Variants in KCNH8 observed in about 807,000 individuals in gnomAD.
The protein encoded by KCNH8 is potassium voltage-gated channel subfamily H member 8.
A neutral mutation model predicts 103.6 loss-of-function variants in KCNH8; 70 were observed. That is an observed-to-expected ratio of 0.68 (90% confidence interval 0.56 to 0.82). The LOEUF is 0.82. KCNH8 is among the 40% of genes least tolerant of loss of function. The probability of loss-of-function intolerance (pLI) is 0.00; values close to 1 mark genes in which losing one functional copy is unlikely to be tolerated. For synonymous variants in KCNH8, 498 were observed against 489.4 expected, an observed-to-expected ratio of 1.02 and a Z score of -0.23; for missense variants, 1,217 against 1,329.9, an observed-to-expected ratio of 0.92 and a Z score of 1.32.
chr3:19,495,174 C>G (rs531900063), intron 11 of KCNH8, among the ~76,000 whole-genome samples: 1 of 152,174 alleles, frequency 6.6e-6, no homozygotes, highest in South Asian at 2.1e-4. Context: ...CTGATAATTT[C>G]TTTTGCTATA....
chr3:19,428,840 T>G (rs1458638177), intron 7 of KCNH8, among the ~76,000 whole-genome samples: 1 of 152,216 alleles, frequency 6.6e-6, no homozygotes, highest in South Asian at 2.1e-4. Flanking sequence ...CAAGGTTTAC[T>G]CCATCACCGG....
At chr3:19,212,298 G>A (rs1203624532) in intron 1 of KCNH8, among the ~76,000 whole-genome samples, 1 of 152,118 alleles carries the variant, frequency 6.6e-6, no homozygotes, top group East Asian at 1.9e-4. Flanking sequence ...TAATAGAGCT[G>A]GGTTTGAAAC....
At chr3:19,444,362 G>T (rs1575073778) in intron 8 of KCNH8, among the ~76,000 whole-genome samples, 1 of 151,872 alleles carries the variant, frequency 6.6e-6, no homozygotes, top group South Asian at 2.1e-4. Flanking sequence ...ATTCCAGGTG[G>T]ATTTTGACCT....
intron 11 of KCNH8, among the ~76,000 whole-genome samples, chr3:19,492,722 G>A (rs60546560): frequency 0.053 from 8,000 of 152,138 alleles, 472 homozygotes; most frequent in East Asian, 0.26. Flanking sequence ...TTTGAAGAAT[G>A]ATATTGGTAG....
intron 3 of KCNH8, among the ~76,000 whole-genome samples, chr3:19,289,452 A>G (rs555799254): frequency 1.9e-3 from 296 of 152,326 alleles, no homozygotes; most frequent in Non-Finnish European, 3.7e-3. Context: ...ATGGCTAGCC[A>G]GTTTTCCCAG....
At chr3:19,443,573 A>G (rs2067313991) in intron 8 of KCNH8, among the ~76,000 whole-genome samples, 1 of 151,636 alleles carries the variant, frequency 6.6e-6, no homozygotes, top group African/African-American at 2.4e-5. Flanking sequence ...ATTTAAAACT[A>G]TAAATCAGAG....
chr3:19,403,361 AATATATATATATATATATATATATAT>A (rs57523893), intron 7 of KCNH8, among the ~76,000 whole-genome samples: 5 of 124,650 alleles, frequency 4.0e-5, no homozygotes, highest in African/African-American at 1.1e-4. Context: ...ATATGTAAAG[AATATATATATATATATATATATATAT>A]ATATATATAT....
chr3:19,421,279 A>T (rs2066947252), intron 7 of KCNH8, among the ~76,000 whole-genome samples: 1 of 152,118 alleles, frequency 6.6e-6, no homozygotes, highest in South Asian at 2.1e-4. Context: ...CCAAATACTC[A>T]GTATGTTTTA....
intron 3 of KCNH8, among the ~76,000 whole-genome samples, chr3:19,329,061 T>C (rs1439937289): frequency 6.6e-6 from 1 of 152,176 alleles, no homozygotes; most frequent in Non-Finnish European, 1.5e-5. Context: ...TCACTACAAA[T>C]CCAAAAGCAG....
rs2069207154 is a variant in KCNH8 at position 19,533,587 on chromosome 3, C to A, written c.2812C>A (p.Gln938Lys). The change falls in exon 16 of 16, where the codon CAA becomes AAA. Residue 938 changes from glutamine to lysine, a missense_variant. Gln to Lys is a moderately conservative substitution (Grantham distance 53, BLOSUM62 1). Coordinates refer to ENST00000328405, the MANE Select transcript of KCNH8 (RefSeq NM_144633.3). ...WSAHQPCLHLQTGGAAYTQAQ... is the reference protein window; with the variant it reads ...WSAHQPCLHLKTGGAAYTQAQ... ...TGCACACCAGCCTTGCCTACACTTG[C>A]AAACAGGCGGGGCTGCTTATACCCA... 2 of 1,614,184 alleles carry A rather than the reference C, an allele frequency of 1.2e-6. No individual in the cohort carries two copies. The highest frequency in any genetic ancestry group is 1.6e-4 in the Middle Eastern group (1 of 6,062).
chr3:19,323,414 A>C (rs565122918), intron 3 of KCNH8, among the ~76,000 whole-genome samples: 13 of 152,190 alleles, frequency 8.5e-5, no homozygotes, highest in Admixed American at 6.5e-4. Flanking sequence ...GCACCACTGC[A>C]CTCCAGCCTG....
At chr3:19,228,883 T>C (rs1478651291) in intron 1 of KCNH8, among the ~76,000 whole-genome samples, 1 of 152,218 alleles carries the variant, frequency 6.6e-6, no homozygotes, top group African/African-American at 2.4e-5. Context: ...CTGTGCACTT[T>C]TATAGGAGGT....
intron 5 of KCNH8, among the ~76,000 whole-genome samples, chr3:19,386,187 C>T (rs928863286): frequency 1.3e-5 from 2 of 152,080 alleles, no homozygotes; most frequent in Admixed American, 1.3e-4. Context: ...AAGTGAAATA[C>T]TCACTTTTGG....
intron 2 of KCNH8, among the ~76,000 whole-genome samples, chr3:19,262,429 A>C (rs1434919696): frequency 6.6e-6 from 1 of 152,042 alleles, no homozygotes; most frequent in African/African-American, 2.4e-5. Flanking sequence ...TATGTCATCT[A>C]GTTATTTCAG....
chr3:19,477,017 G>C (rs550629114), intron 11 of KCNH8, among the ~76,000 whole-genome samples: 37 of 152,254 alleles, frequency 2.4e-4, no homozygotes, highest in African/African-American at 8.9e-4. Flanking sequence ...GACTGAGAAA[G>C]AAAAATATGG....
rs957525520 is a variant in KCNH8 at position 19,148,625 on chromosome 3, C to T, written c.-95C>T. 3 of 1,207,672 alleles carry T rather than the reference C, an allele frequency of 2.5e-6. No homozygotes were observed. The highest frequency in any genetic ancestry group is 1.2e-5 in the South Asian group (1 of 83,034). The allele number at this position is 1,207,672 out of a possible 1,614,324, so 74.8% of individuals were successfully genotyped here. A position where few individuals can be genotyped will look rare whatever the true frequency, so the allele number is the denominator to read the frequency against. Reference sequence around the variant, plus strand: ...GTCAGGCCGGGTCCCCCTTCCCTGCCGTCATCAGGTTCCCCTTCTCCCTTC... The same window carrying T: ...GTCAGGCCGGGTCCCCCTTCCCTGCTGTCATCAGGTTCCCCTTCTCCCTTC... On this transcript the variant is annotated 5_prime_UTR_variant, in exon 1 of 16. Transcript: ENST00000328405.
intron 11 of KCNH8, among the ~76,000 whole-genome samples, chr3:19,483,217 T>G (rs903692672): frequency 3.3e-5 from 5 of 152,102 alleles, no homozygotes; most frequent in African/African-American, 9.7e-5. Flanking sequence ...ACATATCCAG[T>G]ATAATCCAGT....
At chr3:19,201,468 G>A (rs2063662316) in intron 1 of KCNH8, among the ~76,000 whole-genome samples, 1 of 151,954 alleles carries the variant, frequency 6.6e-6, no homozygotes, top group Non-Finnish European at 1.5e-5. Context: ...GATGCTGTAT[G>A]TCCGTTTTAT....
At chr3:19,446,745 A>T (rs2067368437) in intron 8 of KCNH8, among the ~76,000 whole-genome samples, 2 of 151,994 alleles carry the variant, frequency 1.3e-5, no homozygotes, top group South Asian at 4.1e-4. Context: ...GTTATACTCC[A>T]GGAGATAAGT....
Sources: gnomAD v4.1 joint callset for allele counts (sites outside exome capture counted in the v4.1 genomes callset) on GRCh38, gnomAD v4.1.1 for gene constraint, MANE v1.5 for transcripts, NCBI Gene and HGNC (gene_info 2026-07-23, HGNC 2026-07-21) for gene names.